The following CEACAM19 variants were observed in gnomAD, a reference collection of about 807,000 sequenced individuals.
The protein encoded by CEACAM19 is cell adhesion molecule CEACAM19.
Under a neutral mutation model 37.6 loss-of-function variants are expected in CEACAM19, and 37 were observed. That is an observed-to-expected ratio of 0.98 (90% CI 0.76 to 1.29). The LOEUF is 1.29. Among genes scored for constraint, CEACAM19 ranks in the 50% most tolerant of loss-of-function variants. CEACAM19 has a pLI of 0.00. For synonymous variants in CEACAM19, 140 were observed against 149.8 expected (o/e 0.93, Z 0.48); for missense variants, 340 against 375.6 (o/e 0.91, Z 0.78).
chr19:44,680,706 C>T (rs905711397), intron 5 of CEACAM19, among the ~76,000 whole-genome samples: 35 of 152,274 alleles, frequency 2.3e-4, no homozygotes, highest in African/African-American at 7.7e-4. Flanking sequence ...CATGTTACTC[C>T]TCTGCTCAAA....
intron 6 of CEACAM19, among the ~76,000 whole-genome samples, 196 bp downstream of exon 6, chr19:44,681,508 G>A (rs769782319): frequency 1.2e-4 from 19 of 152,192 alleles, no homozygotes; most frequent in East Asian, 3.8e-4. Flanking sequence ...ATTTGTCTCC[G>A]GGGTGTGGAG....
At chr19:44,680,452 C>T (rs1170821201) in intron 5 of CEACAM19, 118 bp downstream of exon 5, 8 of 939,794 alleles carry the variant, frequency 8.5e-6, no homozygotes, top group African/African-American at 1.6e-5. Flanking sequence ...GCACCTGCCC[C>T]GAGACCTCTC....
rs1205043738 is a variant in CEACAM19, at chr19:44,671,663, A to G, written c.-269A>G. On this transcript the variant is annotated 5_prime_UTR_variant, in exon 1 of 8. Transcript: ENST00000358777. ...CACGCTGAGTGAGAAAAAGAGGTTG[A>G]AGAGGGTCAGGGGAGGAGTCCTGGG... 2.1e-6 allele frequency: 1 copy of G among 470,162 alleles called. No homozygotes were observed. The highest frequency in any genetic ancestry group is 1.9e-5 in the African/African-American group (1 of 51,942). 29.1% of individuals were successfully genotyped at this position (470,162 alleles called of 1,614,324 possible).
upstream of CEACAM19, among the ~76,000 whole-genome samples, chr19:44,668,809 A>AAT (rs1010084619): frequency 3.4e-5 from 3 of 87,960 alleles, no homozygotes; most frequent in Non-Finnish European, 6.8e-5. Context: ...TATATAAAAT[A>AAT]ATATATATAT....
rs1002766408 is a variant in CEACAM19 at position 44,676,515 on chromosome 19, A to C, written c.575+94A>C. The C allele has an allele frequency of 5.5e-6, 7 of 1,267,068 alleles. No individual in the cohort carries two copies. In the African/African-American group the frequency reaches 1.0e-4, roughly 19 times the overall value. 78.5% of individuals were successfully genotyped at this position (1,267,068 alleles called of 1,614,324 possible). ...ACAAGTCACATCATCCGGCTCATAC[A>C]CAATCTCATCAAATCTTGGAACTCC... is the stretch of plus-strand genomic sequence containing the variant. On this transcript the variant is annotated intron_variant, in intron 3 of 7. Coordinates refer to ENST00000358777, the MANE Select transcript of CEACAM19 (RefSeq NM_001127893.3).
At chr19:44,667,841 A>G (rs1250364998), upstream of CEACAM19, among the ~76,000 whole-genome samples, 103 of 67,272 alleles carry the variant, frequency 1.5e-3, no homozygotes, top group African/African-American at 6.7e-3. Flanking sequence ...TTTTATATAT[A>G]ATATATACAA....
At chr19:44,667,733 T>G (rs865952721), upstream of CEACAM19, among the ~76,000 whole-genome samples, 284 of 67,548 alleles carry the variant, frequency 4.2e-3, 4 homozygotes, top group African/African-American at 0.023. Context: ...TATATATTTA[T>G]ATATATAATA....
At chr19:44,677,232 T>A (rs545001279) in intron 3 of CEACAM19, among the ~76,000 whole-genome samples, 1 of 152,120 alleles carries the variant, frequency 6.6e-6, no homozygotes, top group Non-Finnish European at 1.5e-5. Flanking sequence ...TGGCCAGGGG[T>A]TGGTGGCCAG....
Position 44,678,875 on chromosome 19 carries a change from G to A in CEACAM19, c.598G>A (p.Gly200Arg). The change falls in exon 4 of 8, where the codon GGA (glycine) becomes AGA (arginine). Residue 200 changes from glycine to arginine, a missense_variant. Gly to Arg is a moderately radical substitution (Grantham distance 125). Transcript: ENST00000358777. ...SHRLPAPRGQ[G>R]SLSILCSAVS... ...TAGACTGCCTGCTCCGAGGGGCCAG[G>A]GATCTCTGTCCATCTTGTGCTCGGC... 6.2e-7 allele frequency: 1 copy of A among 1,613,886 alleles called. No homozygotes were observed. The highest frequency in any genetic ancestry group is 1.7e-5 in the Admixed American group (1 of 59,986).
At chr19:44,682,861 T>TG (rs1974087145) in intron 7 of CEACAM19, 1 of 467,636 alleles carries the variant, frequency 2.1e-6, no homozygotes. Flanking sequence ...ACCTTGAACT[T>TG]GCACAGGAGG....
Position 44,672,684 on chromosome 19 carries a change from C to A in CEACAM19, c.144C>A (p.Asp48Glu). The A allele has an allele frequency of 6.4e-7, 1 of 1,559,358 alleles. No individual in the cohort carries two copies. The highest frequency in any genetic ancestry group is 8.7e-7 in the Non-Finnish European group (1 of 1,151,936). Residue 48 changes from aspartate (D) to glutamate (E), a missense_variant, in exon 2 of 8, where the codon GAC becomes GAA. By Grantham distance (45) the Asp-to-Glu change is conservative. Transcript: ENST00000358777. ...KIPEQPQKNQ[D>E]LLLSVQGVPD... ...CAGAGCAGCCTCAAAAGAACCAGGA[C>A]CTTCTCCTGTCAGTCCAGGGTGTCC...
chr19:44,673,006 G>T (rs1289693445), intron 2 of CEACAM19, 42 bp downstream of exon 2: 1 of 1,418,828 alleles, frequency 7.0e-7, no homozygotes. Context: ...AAGCTAATGA[G>T]CCCTGAGCAG....
upstream of CEACAM19, chr19:44,666,938 T>C (rs1338206187): frequency 4.6e-5 from 7 of 151,836 alleles, no homozygotes; most frequent in Admixed American, 4.6e-4. Flanking sequence ...GAGGTGGTGA[T>C]GCTTATCCCC....
chr19:44,668,759 T>TATAATATATA (rs1568513279), upstream of CEACAM19, among the ~76,000 whole-genome samples: 5 of 91,496 alleles, frequency 5.5e-5, no homozygotes, highest in African/African-American at 3.8e-4. Context: ...TATAATATAA[T>TATAATATATA]ATATATAATA....
upstream of CEACAM19, among the ~76,000 whole-genome samples, chr19:44,669,208 C>T (rs1486596805): frequency 6.6e-6 from 1 of 151,946 alleles, no homozygotes; most frequent in Non-Finnish European, 1.5e-5. Context: ...CAGCCTTGAC[C>T]TCCCAGGTTC....
Position 44,672,610 on chromosome 19 carries a change from C to T in CEACAM19, c.70C>T (p.Leu24Phe), listed in dbSNP as rs762174330. ...SLLLSASILV[L>F]WMLQGSQAAL... ...ACTTCCCACAGCCTCAATCCTGGTC[C>T]TCTGGATGCTCCAAGGCTCCCAGGC... The change falls in exon 2 of 8, where the codon CTC becomes TTC. Residue 24 changes from leucine to phenylalanine, a missense_variant. Transcript: ENST00000358777. 2.0e-6 allele frequency: 3 copies of T among 1,475,834 alleles called. No homozygotes were observed. The highest frequency in any genetic ancestry group is 1.4e-5 in the African/African-American group (1 of 70,090). 91.4% of individuals were successfully genotyped at this position (1,475,834 alleles called of 1,614,324 possible).
chr19:44,680,104 G>A (rs928741121), intron 4 of CEACAM19, among the ~76,000 whole-genome samples, 184 bp from the exon 5 acceptor site: 2 of 152,070 alleles, frequency 1.3e-5, no homozygotes, highest in Non-Finnish European at 2.9e-5. Context: ...GGGAAACTGA[G>A]GGATTGCGGA....
intron 2 of CEACAM19, among the ~76,000 whole-genome samples, chr19:44,675,101 T>C (rs1973923883): frequency 7.6e-6 from 1 of 132,338 alleles, no homozygotes; most frequent in Non-Finnish European, 1.6e-5. Context: ...GAACAGCGTG[T>C]GTGTGTGTGT....
intron 3 of CEACAM19, chr19:44,677,731 A>G (rs1025336442): frequency 2.7e-5 from 4 of 150,130 alleles, no homozygotes; most frequent in Admixed American, 6.7e-5. Context: ...GCTGCAGTGT[A>G]GTGGCGCAAT....
Sources: gnomAD v4.1 joint callset for allele counts (sites outside exome capture counted in the v4.1 genomes callset) on GRCh38, gnomAD v4.1.1 for gene constraint, MANE v1.5 for transcripts, NCBI Gene and HGNC (gene_info 2026-07-23, HGNC 2026-07-21) for gene names.